CDH12: variants seen among roughly 807,000 people sequenced by gnomAD.
CDH12 encodes the protein cadherin-12.
In CDH12, 41 loss-of-function variants were observed where a neutral mutation model predicts 74.1. That is an observed-to-expected ratio of 0.55 (90% CI 0.43 to 0.72). The LOEUF (loss-of-function observed/expected upper bound fraction) is 0.72. Among genes scored for constraint, CDH12 ranks in the 30% least tolerant of loss-of-function variants. The pLI, the probability that CDH12 is intolerant of heterozygous loss-of-function variation, is 0.00. For missense variants in CDH12, 945 were observed against 977.2 expected (o/e 0.97, Z 0.44); for synonymous variants, 399 against 355.0 (o/e 1.12, Z -1.39).
At chr5:22,790,135 A>C (rs570250531) in intron 1 of CDH12, among the ~76,000 whole-genome samples, 1 of 152,250 alleles carries the variant, frequency 6.6e-6, no homozygotes, top group South Asian at 2.1e-4. Flanking sequence ...AAATAATTCT[A>C]AAACTGTTGT....
chr5:21,933,563 A>G (rs1039656628), intron 6 of CDH12, among the ~76,000 whole-genome samples: 27 of 152,350 alleles, frequency 1.8e-4, no homozygotes, highest in African/African-American at 5.8e-4. Flanking sequence ...TATCATCCAT[A>G]TATTCTACAG....
chr5:22,259,856 A>C (rs1753449887), intron 3 of CDH12, among the ~76,000 whole-genome samples: 1 of 152,036 alleles, frequency 6.6e-6, no homozygotes, highest in Non-Finnish European at 1.5e-5. Flanking sequence ...GAGAATCCTG[A>C]GATCAAAATT....
intron 1 of CDH12, among the ~76,000 whole-genome samples, chr5:22,679,574 C>A (rs1741380806): frequency 6.6e-6 from 1 of 151,954 alleles, no homozygotes; most frequent in African/African-American, 2.4e-5. Flanking sequence ...AGTGATGTGT[C>A]CTATTGGCAG....
At chr5:22,587,185 T>G (rs1370825931) in intron 1 of CDH12, among the ~76,000 whole-genome samples, 1 of 151,996 alleles carries the variant, frequency 6.6e-6, no homozygotes, top group African/African-American at 2.4e-5. Flanking sequence ...TCTGTTCTCA[T>G]GAATGGATTA....
chr5:22,148,893 T>C (rs1747386584), intron 4 of CDH12, among the ~76,000 whole-genome samples: 1 of 152,066 alleles, frequency 6.6e-6, no homozygotes, highest in African/African-American at 2.4e-5. Context: ...GGCCGAGGCA[T>C]GCGGAACACG....
chr5:22,454,391 G>A (rs569383988), intron 2 of CDH12, among the ~76,000 whole-genome samples: 1 of 152,164 alleles, frequency 6.6e-6, no homozygotes, highest in African/African-American at 2.4e-5. Flanking sequence ...AGAAGAAACA[G>A]TCTGTGGGAA....
chr5:22,535,167 T>G (rs1212165101), intron 1 of CDH12, among the ~76,000 whole-genome samples: 1 of 143,442 alleles, frequency 7.0e-6, no homozygotes, highest in Non-Finnish European at 1.5e-5. Flanking sequence ...TCTTTTTTTT[T>G]TTTTTTTGAG....
intron 1 of CDH12, among the ~76,000 whole-genome samples, chr5:22,767,518 A>G (rs1244647828): frequency 2.0e-5 from 3 of 151,974 alleles, no homozygotes; most frequent in Non-Finnish European, 4.4e-5. Flanking sequence ...CAACCCAGTC[A>G]TAACAGGGCT....
At chr5:22,796,163 A>G (rs962103017) in intron 1 of CDH12, among the ~76,000 whole-genome samples, 8 of 152,188 alleles carry the variant, frequency 5.3e-5, no homozygotes. Flanking sequence ...ACAAGTGCTG[A>G]TATCTCTTTC....
rs559489487 is a variant in CDH12, at chr5:21,783,404, T to C, written c.1347A>G (p.Arg449=). 53 of 1,612,976 alleles carry C rather than the reference T, an allele frequency of 3.3e-5. No individual in the cohort carries two copies. In the South Asian group the frequency reaches 5.6e-4, roughly 17 times the overall value. Residue 449 remains arginine (R), a synonymous_variant, in exon 11 of 15, where the codon AGA becomes AGG. Coordinates refer to ENST00000382254, the MANE Select transcript of CDH12 (RefSeq NM_004061.5). ...AGAAATTATACTGCGCAGTGCTTTC[T>C]CTGTCTAGTAATTCATTAGTGGCGA... ...GTIATNELLD[R]ESTAQYNFSI...
At chr5:22,727,123 C>A (rs1744202559) in intron 1 of CDH12, among the ~76,000 whole-genome samples, 1 of 151,666 alleles carries the variant, frequency 6.6e-6, no homozygotes, top group South Asian at 2.1e-4. Flanking sequence ...AAATTTTTCA[C>A]TCTGACCTTT....
chr5:22,272,237 C>T (rs181485559), intron 3 of CDH12, among the ~76,000 whole-genome samples: 23 of 152,286 alleles, frequency 1.5e-4, no homozygotes, highest in African/African-American at 4.8e-4. Flanking sequence ...TGACTTATTC[C>T]TTAAACCTCA....
At chr5:22,707,818 T>A (rs1743094956) in intron 1 of CDH12, among the ~76,000 whole-genome samples, 1 of 152,144 alleles carries the variant, frequency 6.6e-6, no homozygotes, top group African/African-American at 2.4e-5. Flanking sequence ...TTTTCTAAGG[T>A]AAAATTAGTA....
rs956848818 is a variant in CDH12, at chr5:22,102,242, G to C, written c.-186-23380C>G. ...AGATAATAAGACATTATGACGTCCA[G>C]AGAGCTTTCTCCATCCTTTACCAGC... is the stretch of plus-strand genomic sequence containing the variant. On this transcript the variant is annotated intron_variant, in intron 4 of 14. Coordinates refer to ENST00000382254, the MANE Select transcript of CDH12 (RefSeq NM_004061.5). 2.0e-5 allele frequency among the ~76,000 whole-genome samples: 3 copies of C among 152,102 alleles called. No homozygotes were observed. In the East Asian group the frequency reaches 5.8e-4, roughly 29 times the overall value.
intron 3 of CDH12, among the ~76,000 whole-genome samples, chr5:22,313,769 G>C (rs1738489522): frequency 6.6e-6 from 1 of 152,222 alleles, no homozygotes; most frequent in Admixed American, 6.5e-5. Flanking sequence ...GAAACGGAAG[G>C]AAGTTATGAG....
chr5:22,008,250 A>G (rs113467946), intron 5 of CDH12, among the ~76,000 whole-genome samples: 2 of 151,396 alleles, frequency 1.3e-5, no homozygotes, highest in African/African-American at 4.9e-5. Context: ...TTTTTTTTTA[A>G]ATGGAGTCTC....
At chr5:22,459,997 C>T (rs1164473817) in intron 2 of CDH12, among the ~76,000 whole-genome samples, 1 of 151,878 alleles carries the variant, frequency 6.6e-6, no homozygotes, top group East Asian at 1.9e-4. Flanking sequence ...AATAAGAAAT[C>T]ACTATCTAAT....
At chr5:22,362,231 C>T (rs1269090134) in intron 3 of CDH12, among the ~76,000 whole-genome samples, 1 of 152,004 alleles carries the variant, frequency 6.6e-6, no homozygotes, top group African/African-American at 2.4e-5. Context: ...AACAAATTTA[C>T]AAGAAAAAAA....
chr5:22,727,497 T>C (rs1263386796), intron 1 of CDH12, among the ~76,000 whole-genome samples: 1 of 151,740 alleles, frequency 6.6e-6, no homozygotes, highest in East Asian at 1.9e-4. Context: ...ATTTCACTAT[T>C]TATATATGAC....
Sources: allele counts gnomAD v4.1 joint callset (sites outside exome capture counted in the v4.1 genomes callset), GRCh38; gene constraint gnomAD v4.1.1; transcripts MANE v1.5; gene names NCBI Gene and HGNC (gene_info 2026-07-23, HGNC 2026-07-21).